The following KCNB2 variants were observed in gnomAD, a reference collection of about 807,000 sequenced individuals.
KCNB2 encodes the protein potassium voltage-gated channel subfamily B member 2, also known as delayed rectifier potassium channel protein.
KCNB2 carries 15 observed loss-of-function variants against 61.5 expected under a neutral mutation model. The ratio of observed to expected loss-of-function variants is 0.24; its 90% CI spans 0.16 to 0.38. The LOEUF (loss-of-function observed/expected upper bound fraction) is 0.38. Among genes scored for constraint, KCNB2 ranks in the 10% least tolerant of loss-of-function variants. KCNB2 has a pLI of 1.00. For missense variants in KCNB2, 828 were observed against 1,125.2 expected, an observed-to-expected ratio of 0.74 and a Z score of 3.78; for synonymous variants, 457 against 446.0, an observed-to-expected ratio of 1.02 and a Z score of -0.31.
chr8:72,677,595 C>G (rs753553151), intron 2 of KCNB2, among the ~76,000 whole-genome samples: 1 of 152,154 alleles, frequency 6.6e-6, no homozygotes, highest in Admixed American at 6.5e-5. Flanking sequence ...TTAACCTCCA[C>G]GCTGCCAAAT....
chr8:72,665,003 A>G (rs1806443767), intron 2 of KCNB2, among the ~76,000 whole-genome samples: 1 of 152,170 alleles, frequency 6.6e-6, no homozygotes, highest in Non-Finnish European at 1.5e-5. Context: ...GCCAAGGAAA[A>G]GGGCAAAAAA....
intron 2 of KCNB2, among the ~76,000 whole-genome samples, chr8:72,905,894 T>C (rs1319728226): frequency 6.6e-6 from 1 of 152,094 alleles, no homozygotes; most frequent in Non-Finnish European, 1.5e-5. Context: ...GGGATGTAGA[T>C]CAAGGGTGCC....
intron 2 of KCNB2, among the ~76,000 whole-genome samples, chr8:72,870,620 A>G (rs1805601221): frequency 6.6e-6 from 1 of 152,232 alleles, no homozygotes; most frequent in African/African-American, 2.4e-5. Context: ...GAGCTTAAGC[A>G]AATTAATATA....
chr8:72,585,481 G>A (rs1262224085), intron 2 of KCNB2, among the ~76,000 whole-genome samples: 1 of 152,152 alleles, frequency 6.6e-6, no homozygotes, highest in African/African-American at 2.4e-5. Context: ...TGTTTAGAAT[G>A]TGTTGCAAAG....
At chr8:72,913,530 G>A (rs1806337927) in intron 2 of KCNB2, among the ~76,000 whole-genome samples, 1 of 152,208 alleles carries the variant, frequency 6.6e-6, no homozygotes, top group Non-Finnish European at 1.5e-5. Flanking sequence ...GCAAATACCA[G>A]GCTAGGTGCA....
intron 2 of KCNB2, among the ~76,000 whole-genome samples, chr8:72,620,399 G>A (rs1805697073): frequency 6.6e-6 from 1 of 152,166 alleles, no homozygotes. Flanking sequence ...AACCATATCA[G>A]TTAGTGCTAT....
At chr8:72,859,762 C>T (rs1251574774) in intron 2 of KCNB2, among the ~76,000 whole-genome samples, 1 of 124,600 alleles carries the variant, frequency 8.0e-6, no homozygotes, top group African/African-American at 3.0e-5. Flanking sequence ...TCTTGTTGCC[C>T]AGGCTGGAGT....
intron 2 of KCNB2, among the ~76,000 whole-genome samples, chr8:72,603,334 T>A (rs1805389039): frequency 1.3e-5 from 2 of 152,198 alleles, no homozygotes; most frequent in Non-Finnish European, 2.9e-5. Flanking sequence ...CCTGTCATGT[T>A]CCATTGCACT....
At chr8:72,694,244 G>A (rs1173688087) in intron 2 of KCNB2, among the ~76,000 whole-genome samples, 1 of 152,142 alleles carries the variant, frequency 6.6e-6, no homozygotes, top group African/African-American at 2.4e-5. Flanking sequence ...AGGTGGCTAG[G>A]ACAAAGACTG....
chr8:72,667,372 C>T (rs2128987877), intron 2 of KCNB2, among the ~76,000 whole-genome samples: 1 of 152,296 alleles, frequency 6.6e-6, no homozygotes, highest in South Asian at 2.1e-4. Context: ...CACCTGCTTT[C>T]ACCTCCTAAA....
chr8:72,758,098 G>C (rs1478591800), intron 2 of KCNB2, among the ~76,000 whole-genome samples: 2 of 152,194 alleles, frequency 1.3e-5, no homozygotes, highest in African/African-American at 2.4e-5. Context: ...CTTTCTTTCT[G>C]CTCCGAACAA....
intron 2 of KCNB2, among the ~76,000 whole-genome samples, chr8:72,922,945 T>G (rs1806552397): frequency 6.9e-6 from 1 of 145,976 alleles, no homozygotes; most frequent in African/African-American, 2.6e-5. Flanking sequence ...TAGGGAGACA[T>G]AAGACTTGAA....
chr8:72,580,443 T>C (rs899968395), intron 2 of KCNB2, among the ~76,000 whole-genome samples: 22 of 152,198 alleles, frequency 1.4e-4, no homozygotes, highest in Non-Finnish European at 2.5e-4. Flanking sequence ...TCCTTTCCTA[T>C]CATTGTCCAA....
chr8:72,658,926 C>A (rs567566755), intron 2 of KCNB2, among the ~76,000 whole-genome samples: 1 of 152,294 alleles, frequency 6.6e-6, no homozygotes, highest in African/African-American at 2.4e-5. Flanking sequence ...TGCTCACTGA[C>A]AATGCACTTG....
At chr8:72,720,586 T>C (rs1303556196) in intron 2 of KCNB2, among the ~76,000 whole-genome samples, 1 of 152,216 alleles carries the variant, frequency 6.6e-6, no homozygotes. Context: ...CTTGTCACCT[T>C]CATCATAGTG....
intron 2 of KCNB2, among the ~76,000 whole-genome samples, chr8:72,774,369 G>A (rs1270765284): frequency 7.9e-5 from 12 of 151,852 alleles, no homozygotes. Context: ...ATTATTTTTT[G>A]AGACAGAGTC....
intron 2 of KCNB2, among the ~76,000 whole-genome samples, chr8:72,794,280 A>G (rs1472097604): frequency 1.3e-5 from 2 of 152,146 alleles, no homozygotes; most frequent in African/African-American, 4.8e-5. Context: ...AGGTTAAAAA[A>G]TGGTGGCCGG....
intron 2 of KCNB2, among the ~76,000 whole-genome samples, chr8:72,731,885 G>A (rs1277975630): frequency 1.3e-5 from 2 of 152,142 alleles, no homozygotes; most frequent in Non-Finnish European, 2.9e-5. Context: ...TGTGAGTCTG[G>A]GGCCACTTTG....
intron 1 of KCNB2, among the ~76,000 whole-genome samples, chr8:72,551,647 A>G (rs959748691): frequency 6.6e-6 from 1 of 152,184 alleles, no homozygotes; most frequent in Non-Finnish European, 1.5e-5. Context: ...CTCCCAGAGC[A>G]GGGGCGGTGA....
Sources: gnomAD v4.1 joint callset for allele counts (sites outside exome capture counted in the v4.1 genomes callset) on GRCh38, gnomAD v4.1.1 for gene constraint, MANE v1.5 for transcripts, NCBI Gene and HGNC (gene_info 2026-07-23, HGNC 2026-07-21) for gene names.